The following ZFHX3 variants were observed in gnomAD, a reference collection of about 807,000 sequenced individuals.
ZFHX3 encodes the protein zinc finger homeobox 3, also known as zinc finger homeobox protein 3.
A neutral mutation model predicts 279.1 loss-of-function variants in ZFHX3; 42 were observed. The ratio of observed to expected loss-of-function variants is 0.15; its 90% CI spans 0.12 to 0.19. The LOEUF (loss-of-function observed/expected upper bound fraction) is 0.19. Ranked by LOEUF, ZFHX3 falls within the 10% of genes least tolerant of loss-of-function variation. ZFHX3 has a pLI of 1.00. For missense variants in ZFHX3, 4,981 were observed against 4,754.0 expected, an observed-to-expected ratio of 1.05 and a Z score of -1.40; for synonymous variants, 2,293 against 1,957.8, an observed-to-expected ratio of 1.17 and a Z score of -4.52.
intron 3 of ZFHX3, among the ~76,000 whole-genome samples, chr16:73,450,658 T>C (rs2143558253): frequency 6.6e-6 from 1 of 152,346 alleles, no homozygotes; most frequent in South Asian, 2.1e-4. Flanking sequence ...TTTCTCTTGA[T>C]GCTGCCAGAT....
chr16:73,648,460 G>C (rs560063306), intron 2 of ZFHX3, among the ~76,000 whole-genome samples: 1 of 152,134 alleles, frequency 6.6e-6, no homozygotes, highest in South Asian at 2.1e-4. Context: ...CCCAGTCTCG[G>C]CTCACTGCAA....
At chr16:73,512,354 AG>A in intron 2 of ZFHX3, among the ~76,000 whole-genome samples, 1 of 150,058 alleles carries the variant, frequency 6.7e-6, no homozygotes, top group South Asian at 2.1e-4. Flanking sequence ...AGGCTGAGGC[AG>A]GGGAATCACT....
intron 2 of ZFHX3, among the ~76,000 whole-genome samples, chr16:73,673,683 A>C (rs2052925899): frequency 1.3e-5 from 2 of 152,220 alleles, no homozygotes; most frequent in Admixed American, 1.3e-4. Context: ...GGAAGAGGGT[A>C]TGGCATTTGC....
chr16:72,854,016 A>G (rs529301943), intron 4 of ZFHX3, among the ~76,000 whole-genome samples: 1 of 152,320 alleles, frequency 6.6e-6, no homozygotes, highest in South Asian at 2.1e-4. Context: ...ACAAAGCACT[A>G]GTTAAAAATA....
intron 1 of ZFHX3, among the ~76,000 whole-genome samples, chr16:73,844,414 A>C (rs1419676247): frequency 6.6e-6 from 1 of 152,190 alleles, no homozygotes; most frequent in Non-Finnish European, 1.5e-5. Flanking sequence ...AAAAGGAAGG[A>C]GACAAGGAGA....
intron 1 of ZFHX3, among the ~76,000 whole-genome samples, chr16:73,014,108 CAG>C (rs1487471946): frequency 6.6e-6 from 1 of 152,102 alleles, no homozygotes; most frequent in Non-Finnish European, 1.5e-5. Flanking sequence ...AAGCATGACA[CAG>C]AGTGATGTGA....
At chr16:73,453,644 AAGTGTATT>A (rs1414049384) in intron 3 of ZFHX3, among the ~76,000 whole-genome samples, 5 of 152,202 alleles carry the variant, frequency 3.3e-5, no homozygotes, top group Non-Finnish European at 4.4e-5. Context: ...ATGGAAAAGC[AAGTGTATT>A]AGTCTGTTTT....
chr16:73,834,277 C>G (rs1961079167), intron 1 of ZFHX3, among the ~76,000 whole-genome samples: 1 of 152,178 alleles, frequency 6.6e-6, no homozygotes, highest in South Asian at 2.1e-4. Context: ...ACCTTTGCAT[C>G]TTGCAAGGAG....
Position 73,249,824 on chromosome 16 carries a change from T to TCACACACACACACACA in ZFHX3, c.-1104+7207_-1104+7222dup, listed in dbSNP as rs143652574. Among the ~76,000 whole-genome samples, 1,051 of 148,762 alleles carry TCACACACACACACACA rather than the reference T, an allele frequency of 7.1e-3. 16 individuals carry two copies. The highest frequency in any genetic ancestry group is 0.025 in the African/African-American group (1,011 of 40,226). On this transcript the variant is annotated intron_variant, in intron 5 of 17. Transcript: ENST00000641206. The stretch of plus-strand genomic sequence containing the variant: ...TGGGCAAATGAATTGAACAGGCACT[T>TCACACACACACACACA]CACACACACACACACACACACACAC...
intron 2 of ZFHX3, among the ~76,000 whole-genome samples, chr16:73,545,917 G>T (rs1028384456): frequency 2.0e-5 from 3 of 151,996 alleles, no homozygotes; most frequent in Non-Finnish European, 4.4e-5. Flanking sequence ...AAGCAGTTCC[G>T]AGTTCCCAGA....
At chr16:73,173,733 C>T (rs1967593716) in intron 5 of ZFHX3, among the ~76,000 whole-genome samples, 1 of 152,074 alleles carries the variant, frequency 6.6e-6, no homozygotes, top group African/African-American at 2.4e-5. Flanking sequence ...CACCAGGCTC[C>T]GACACCCAGG....
intron 1 of ZFHX3, among the ~76,000 whole-genome samples, chr16:73,004,158 A>ATTTTTTTT (rs1567627941): frequency 1.9e-5 from 1 of 51,312 alleles, no homozygotes; most frequent in Non-Finnish European, 3.2e-5. Context: ...TAAAAACACG[A>ATTTTTTTT]CTTTTTTTTT....
chr16:73,126,236 A>G (rs1167737033), intron 7 of ZFHX3, among the ~76,000 whole-genome samples: 4 of 152,172 alleles, frequency 2.6e-5, no homozygotes, highest in Non-Finnish European at 4.4e-5. Context: ...GCGGGGCACC[A>G]GGAAATTTAT....
chr16:73,445,648 T>C (rs912693829), intron 3 of ZFHX3, among the ~76,000 whole-genome samples: 10 of 152,164 alleles, frequency 6.6e-5, no homozygotes, highest in African/African-American at 2.4e-4. Context: ...AAAATGTTCC[T>C]CTGGATTTGA....
intron 2 of ZFHX3, among the ~76,000 whole-genome samples, chr16:73,673,289 C>T (rs886910689): frequency 3.9e-5 from 6 of 151,958 alleles, no homozygotes; most frequent in Admixed American, 1.3e-4. Context: ...TAAGCTGGGT[C>T]GTAAGTTATG....
At chr16:73,581,166 C>T (rs1031689670) in intron 2 of ZFHX3, among the ~76,000 whole-genome samples, 6 of 151,814 alleles carry the variant, frequency 4.0e-5, no homozygotes, top group African/African-American at 1.2e-4. Context: ...GGTCAAACTA[C>T]TGGCCTTCTC....
rs1296121996 is a variant in ZFHX3, at chr16:73,740,841, T to C, written c.-1607-60601A>G. 3.9e-5 allele frequency among the ~76,000 whole-genome samples: 6 copies of C among 151,908 alleles called. 1 individual carries two copies. The highest frequency in any genetic ancestry group is 6.6e-5 in the Admixed American group (1 of 15,254). ...CTTCTCATTATGGAATGCAAGAGAG[T>C]TGAAAAGTCAAATAATTGGGAAGAA... On this transcript the variant is annotated intron_variant, in intron 1 of 17. Coordinates refer to the ZFHX3 transcript ENST00000641206.
chr16:73,042,934 C>G (rs763015778), intron 1 of ZFHX3, among the ~76,000 whole-genome samples: 1 of 151,794 alleles, frequency 6.6e-6, no homozygotes, highest in Non-Finnish European at 1.5e-5. Context: ...AGCTTCCTCC[C>G]AGAAACCAAG....
At position 72,798,669 on chromosome 16, in the gene ZFHX3, G is replaced by A. The variant is rs1274176438; in HGVS notation, c.4013C>T (p.Thr1338Ile). 6.3e-7 allele frequency: 1 copy of A among 1,588,266 alleles called. No individual in the cohort carries two copies. The highest frequency in any genetic ancestry group is 1.4e-5 in the African/African-American group (1 of 73,444). ...LGKNILPSAS[T>I]EQSGDLKPSP... The stretch of plus-strand genomic sequence containing the variant: ...TGGTTTCAAATCTCCGCTTTGCTCT[G>A]TGCTTGCGGATGGCAAGATGTTCTT... Residue 1338 changes from threonine (T) to isoleucine (I), a missense_variant, in exon 9 of 10, where the codon ACA becomes ATA. Physicochemically the swap from Thr to Ile is moderately conservative, Grantham distance 89. Around this residue, in one of 7 missense-constraint regions of ZFHX3, gnomAD observed 1,751 missense variants for 1,770.0 expected, o/e 0.99. Coordinates refer to ENST00000268489, the MANE Select transcript of ZFHX3 (RefSeq NM_006885.4).
Sources: allele counts gnomAD v4.1 joint callset (sites outside exome capture counted in the v4.1 genomes callset), GRCh38; gene constraint gnomAD v4.1.1; regional missense constraint gnomAD v4.1.1; transcripts MANE v1.5; gene names NCBI Gene and HGNC (gene_info 2026-07-23, HGNC 2026-07-21).